Variants in RPS6KA1 observed in about 807,000 individuals in gnomAD.
RPS6KA1 encodes the protein ribosomal protein S6 kinase alpha-1.
Under a neutral mutation model 91.3 loss-of-function variants are expected in RPS6KA1, and 48 were observed. That is an observed-to-expected ratio of 0.53 (90% CI 0.42 to 0.67). The LOEUF is 0.67. RPS6KA1 is among the 30% of genes least tolerant of loss of function. RPS6KA1 has a pLI of 0.00. For synonymous variants in RPS6KA1, 359 were observed against 384.7 expected, an observed-to-expected ratio of 0.93 and a Z score of 0.78; for missense variants, 719 against 960.5, an observed-to-expected ratio of 0.75 and a Z score of 3.32.
intron 17 of RPS6KA1, among the ~76,000 whole-genome samples, chr1:26,569,437 G>A (rs1284999562): frequency 6.6e-6 from 1 of 152,266 alleles, no homozygotes. Context: ...GAAGGAGGGA[G>A]CCCACGGGAC....
chr1:26,556,863 G>T (rs2076106398), intron 12 of RPS6KA1, 135 bp from the exon 13 acceptor site: 1 of 1,201,776 alleles, frequency 8.3e-7, no homozygotes, highest in Non-Finnish European at 1.2e-6. Context: ...ACAAGGGCTG[G>T]CCTCCTGAGG....
intron 1 of RPS6KA1, among the ~76,000 whole-genome samples, chr1:26,534,105 TCCTC>T (rs1382564869): frequency 6.6e-6 from 1 of 152,120 alleles, no homozygotes; most frequent in Non-Finnish European, 1.5e-5. Context: ...ACCTACCCCT[TCCTC>T]CCCACCCTCA....
At chr1:26,548,627 A>AC (rs1181408385) in intron 4 of RPS6KA1, among the ~76,000 whole-genome samples, 1 of 151,940 alleles carries the variant, frequency 6.6e-6, no homozygotes, top group Non-Finnish European at 1.5e-5. Context: ...GGAAAACCCC[A>AC]TCTCTACTAA....
At position 26,554,085 on chromosome 1, in the gene RPS6KA1, G is replaced by A. The variant is rs998005094; in HGVS notation, c.576-129G>A. The A allele has an allele frequency of 5.4e-6, 5 of 932,674 alleles. No individual in the cohort carries two copies. Among genetic ancestry groups the A allele is most frequent in the South Asian group, 1.8e-5 (1 of 55,760 alleles). The allele number at this position is 932,674 out of a possible 1,614,324, so 57.8% of individuals were successfully genotyped here. ...GTACTGCTACCACCCTGCAACACCCGCCCAGTCATCAGAGAGAATTGGGTG... is the reference window on the plus strand; with the variant it reads ...GTACTGCTACCACCCTGCAACACCCACCCAGTCATCAGAGAGAATTGGGTG... On this transcript the variant is annotated intron_variant, in intron 7 of 21. Coordinates refer to ENST00000374168, the MANE Select transcript of RPS6KA1 (RefSeq NM_002953.4). The surrounding 1 kb of genome is among the most constrained non-coding windows in gnomAD (Gnocchi z 4.6).
chr1:26,556,807 G>A (rs946433422), intron 12 of RPS6KA1, 89 bp downstream of exon 12: 35 of 1,485,378 alleles, frequency 2.4e-5, no homozygotes, highest in African/African-American at 8.3e-5. Context: ...CTCTGCCAGC[G>A]AGGGCCCCAG....
At chr1:26,536,449 G>A (rs1321617901) in intron 1 of RPS6KA1, among the ~76,000 whole-genome samples, 1 of 152,226 alleles carries the variant, frequency 6.6e-6, no homozygotes, top group Non-Finnish European at 1.5e-5. Context: ...TGGGTTGCAT[G>A]CTTTCCCAGA....
chr1:26,572,409 C>T, intron 20 of RPS6KA1, 116 bp downstream of exon 20: 2 of 709,480 alleles, frequency 2.8e-6, no homozygotes, highest in Admixed American at 2.1e-5. Flanking sequence ...TCCACAAATC[C>T]CTGTTGCTGT....
At chr1:26,569,750 T>C (rs1422154374) in intron 17 of RPS6KA1, among the ~76,000 whole-genome samples, 1 of 152,258 alleles carries the variant, frequency 6.6e-6, no homozygotes, top group Non-Finnish European at 1.5e-5. Flanking sequence ...TAGCATTTGC[T>C]CTGTGCTAGG....
Position 26,553,074 on chromosome 1 carries a change from C to T in RPS6KA1, c.469-317C>T, listed in dbSNP as rs371467680. On this transcript the variant is annotated intron_variant, in intron 6 of 21. Coordinates refer to ENST00000374168, the MANE Select transcript of RPS6KA1 (RefSeq NM_002953.4). ...TTGGAGCTCACTCCATGTCAGAACA[C>T]GGAGAAACTCCTTGTTCCAGTTCAT... Among the ~76,000 whole-genome samples, 44 of 152,258 alleles carry T rather than the reference C, an allele frequency of 2.9e-4. No individual in the cohort carries two copies. In the East Asian group the frequency reaches 3.1e-3, roughly 11 times the overall value.
intron 17 of RPS6KA1, among the ~76,000 whole-genome samples, chr1:26,563,944 G>A (rs1356791570): frequency 6.6e-6 from 1 of 152,046 alleles, no homozygotes; most frequent in African/African-American, 2.4e-5. Context: ...CCAATATGAT[G>A]AAACCCCATC....
intron 12 of RPS6KA1, 39 bp from the exon 13 acceptor site, chr1:26,556,959 G>C (rs61789126): frequency 0.014 from 20,606 of 1,504,212 alleles, 172 homozygotes; most frequent in Non-Finnish European, 0.017. Context: ...GGGCTGTTGA[G>C]GATGCCATGG....
chr1:26,536,864 G>A, intron 1 of RPS6KA1, 61 bp from the exon 2 acceptor site: 1 of 1,592,922 alleles, frequency 6.3e-7, no homozygotes, highest in Non-Finnish European at 8.6e-7. Context: ...GCCCCACAGA[G>A]TCTTTCTCCC....
At chr1:26,530,262 G>C (rs1570413087) in intron 1 of RPS6KA1, among the ~76,000 whole-genome samples, 1 of 152,212 alleles carries the variant, frequency 6.6e-6, no homozygotes, top group Non-Finnish European at 1.5e-5. Flanking sequence ...CCTAGGACCC[G>C]TCCCGGCATC....
chr1:26,530,134 C>G (rs2075857604), intron 1 of RPS6KA1, 151 bp downstream of exon 1: 2 of 424,624 alleles, frequency 4.7e-6, no homozygotes. Context: ...GGCTCCACCC[C>G]CCTATGCCCG....
At position 26,558,828 on chromosome 1, in the gene RPS6KA1, G is replaced by C. The variant is rs769644246; in HGVS notation, c.1106G>C (p.Ser369Thr). Residue 369 changes from serine to threonine, a missense_variant, in exon 14 of 22, where the codon AGC becomes ACC. Physicochemically the swap from Ser to Thr is moderately conservative, Grantham distance 58. Around this residue, in one of 5 missense-constraint regions of RPS6KA1, gnomAD observed 228 missense variants for 247.6 expected, o/e 0.92. Coordinates refer to ENST00000374168, the MANE Select transcript of RPS6KA1 (RefSeq NM_002953.4). This position sits in a 1 kb window ranked among gnomAD's most constrained non-coding sequence, Gnocchi z 4.0. ...ACAGATTCCCCAGGCATCCCCCCCA[G>C]CGCTGGGGCCCATCAGCTGTTCCGG... ...TPKDSPGIPP[S>T]AGAHQLFRGF... 1.2e-6 allele frequency: 2 copies of C among 1,612,496 alleles called. No homozygotes were observed. The highest frequency in any genetic ancestry group is 3.3e-5 in the Admixed American group (2 of 59,960).
At chr1:26,543,638 G>A (rs1223924019) in intron 2 of RPS6KA1, among the ~76,000 whole-genome samples, 3 of 152,168 alleles carry the variant, frequency 2.0e-5, no homozygotes, top group Admixed American at 6.5e-5. Context: ...ACGGACCCTA[G>A]TACTGAAGGA....
At position 26,561,444 on chromosome 1, in the gene RPS6KA1, C is replaced by G; in HGVS notation, c.1432-61C>G. The G allele has an allele frequency of 6.2e-7, 1 of 1,608,104 alleles. No individual in the cohort carries two copies. Among genetic ancestry groups the G allele is most frequent in the Non-Finnish European group, 8.5e-7 (1 of 1,175,118 alleles). ...CATTCTTCCCTGCTCTGGGGCGCTGCTGACCAGGGGGCTCAGGCCTGACAC... is the reference window on the plus strand; with the variant it reads ...CATTCTTCCCTGCTCTGGGGCGCTGGTGACCAGGGGGCTCAGGCCTGACAC... On this transcript the variant is annotated intron_variant, in intron 16 of 21. Transcript: ENST00000374168. This position sits in a 1 kb window ranked among gnomAD's most constrained non-coding sequence, Gnocchi z 5.7.
chr1:26,532,287 A>G (rs1038224745), intron 1 of RPS6KA1, among the ~76,000 whole-genome samples: 4 of 152,118 alleles, frequency 2.6e-5, no homozygotes, highest in African/African-American at 9.7e-5. Flanking sequence ...TGTGCCACCC[A>G]CTCTGCCTTA....
At position 26,536,911 on chromosome 1, in the gene RPS6KA1, TTTCTC is replaced by T. The variant is rs748882064; in HGVS notation, c.64-11_64-7del. The T allele has an allele frequency of 6.2e-7, 1 of 1,614,042 alleles. No homozygotes were observed. Among genetic ancestry groups the T allele is most frequent in the Non-Finnish European group, 8.5e-7 (1 of 1,179,906 alleles). On this transcript the variant is annotated splice_polypyrimidine_tract_variant and intron_variant, in intron 1 of 21. Transcript: ENST00000374168. ...TTCTGACAGTGCTCCCCCAATCTCC[TTTCTC>T]TTTTCCAGAATGGACAGACCTCAGG...
Sources: allele counts gnomAD v4.1 joint callset (sites outside exome capture counted in the v4.1 genomes callset), GRCh38; gene constraint gnomAD v4.1.1; regional missense constraint gnomAD v4.1.1; non-coding constraint Gnocchi (gnomAD v3.1); transcripts MANE v1.5; gene names NCBI Gene and HGNC (gene_info 2026-07-23, HGNC 2026-07-21).